ATOSB: variants seen among roughly 807,000 people sequenced by gnomAD.
ATOSB encodes the protein atos homolog B.
the ATOSB span, chr9:35,115,637 G>A: frequency 3.4e-5 from 4 of 118,736 alleles, no homozygotes; most frequent in East Asian, 2.5e-4. Flanking sequence ...AAGCGCTCCC[G>A]CCCTTCCCCC....
At chr9:35,111,311 G>A in the ATOSB span, 10 of 155,744 alleles carry the variant, frequency 6.4e-5, no homozygotes, top group South Asian at 2.0e-3. Flanking sequence ...GCTGCTCCGG[G>A]CCCTTCCGTC....
the ATOSB span, chr9:35,104,643 G>A: frequency 6.8e-4 from 289 of 428,118 alleles, no homozygotes; most frequent in Admixed American, 2.0e-3. Flanking sequence ...GGGAAGTGAA[G>A]GGACTGGGGA....
chr9:35,113,934 T>G, the ATOSB span, among the ~76,000 whole-genome samples: 4 of 152,286 alleles, frequency 2.6e-5, no homozygotes, highest in African/African-American at 4.8e-5. Flanking sequence ...GCGATCTGGA[T>G]CCTATCTTCT....
the ATOSB span, chr9:35,108,300 C>A: frequency 1.3e-5 from 20 of 1,517,866 alleles, no homozygotes; most frequent in Middle Eastern, 1.7e-4. Context: ...TCAGGGGGGC[C>A]CCCCAACACG....
chr9:35,114,325 G>A, the ATOSB span, among the ~76,000 whole-genome samples: 1 of 152,180 alleles, frequency 6.6e-6, no homozygotes, highest in African/African-American at 2.4e-5. Flanking sequence ...AAAGGCTTCA[G>A]CCTGCCCTTT....
the ATOSB span, chr9:35,107,574 G>A: frequency 2.5e-6 from 4 of 1,589,012 alleles, no homozygotes; most frequent in Non-Finnish European, 3.4e-6. Flanking sequence ...GGGGCCTGGG[G>A]GTCCAGGGCC....
the ATOSB span, among the ~76,000 whole-genome samples, chr9:35,114,387 C>T: frequency 5.3e-5 from 8 of 150,416 alleles, no homozygotes; most frequent in South Asian, 1.3e-3. Flanking sequence ...ACCCACCCCC[C>T]TCCCCAGCCA....
the ATOSB span, chr9:35,107,643 A>G: frequency 2.5e-6 from 4 of 1,604,926 alleles, no homozygotes; most frequent in Non-Finnish European, 3.4e-6. Flanking sequence ...CCTAGGCCAG[A>G]GGCTACCCCC....
the ATOSB span, chr9:35,108,413 A>G: frequency 7.1e-7 from 1 of 1,406,202 alleles, no homozygotes; most frequent in Non-Finnish European, 9.2e-7. Flanking sequence ...CTTCCAGCTG[A>G]GTTTCAGACC....
chr9:35,113,145 A>G, the ATOSB span, among the ~76,000 whole-genome samples: 9 of 152,242 alleles, frequency 5.9e-5, no homozygotes, highest in Non-Finnish European at 1.3e-4. Context: ...ACTTACTAGG[A>G]AAACAGAGAC....
At chr9:35,107,046 G>A in the ATOSB span, among the ~76,000 whole-genome samples, 3 of 152,214 alleles carry the variant, frequency 2.0e-5, no homozygotes, top group Non-Finnish European at 2.9e-5. Flanking sequence ...AAGGACAGGC[G>A]CAGTGGCTTG....
the ATOSB span, chr9:35,108,526 G>T: frequency 8.1e-7 from 1 of 1,232,670 alleles, no homozygotes; most frequent in Non-Finnish European, 1.0e-6. Flanking sequence ...CAGAACTCCT[G>T]AGAGGGTGAC....
At chr9:35,112,847 C>T in the ATOSB span, among the ~76,000 whole-genome samples, 2 of 152,016 alleles carry the variant, frequency 1.3e-5, no homozygotes, top group East Asian at 1.9e-4. Context: ...CCCCCCAGGG[C>T]CCTGAGGTTA....
chr9:35,108,164 G>GGGT, the ATOSB span: 81 of 1,592,458 alleles, frequency 5.1e-5, no homozygotes, highest in African/African-American at 1.1e-3. Context: ...CCCCTGCTGG[G>GGGT]CTGTAGCCCA....
chr9:35,105,961 T>C, the ATOSB span: 2 of 1,614,080 alleles, frequency 1.2e-6, no homozygotes, highest in Non-Finnish European at 1.7e-6. This position sits in a 1 kb window ranked among gnomAD's most constrained non-coding sequence, Gnocchi z 5.5. Flanking sequence ...GTGCCCACCT[T>C]GGGCACGCTG....
chr9:35,112,019 A>T, the ATOSB span, among the ~76,000 whole-genome samples: 1 of 152,152 alleles, frequency 6.6e-6, no homozygotes, highest in Non-Finnish European at 1.5e-5. Context: ...CCCAGACCCC[A>T]AATACCTCAC....
the ATOSB span, chr9:35,104,639 T>C: frequency 2.3e-6 from 1 of 430,412 alleles, no homozygotes; most frequent in Non-Finnish European, 4.8e-6. Context: ...GTAGGGGAAG[T>C]GAAGGGACTG....
chr9:35,115,851 G>T, the ATOSB span: 1 of 152,338 alleles, frequency 6.6e-6, no homozygotes, highest in East Asian at 1.9e-4. Context: ...GGTAGTGGTT[G>T]GGGCAGTTAC....
chr9:35,110,891 T>A, the ATOSB span: 8 of 152,204 alleles, frequency 5.3e-5, no homozygotes, highest in African/African-American at 1.7e-4. Flanking sequence ...TCCATGTGCT[T>A]TCCACCCTCA....
Sources: allele counts gnomAD v4.1 joint callset (sites outside exome capture counted in the v4.1 genomes callset), GRCh38; gene constraint gnomAD v4.1.1; non-coding constraint Gnocchi (gnomAD v3.1); transcripts MANE v1.5; gene names NCBI Gene and HGNC (gene_info 2026-07-23, HGNC 2026-07-21).